Variants in EPB41L1 observed in about 807,000 individuals in gnomAD.
EPB41L1 encodes band 4.1-like protein 1.
In EPB41L1, 29 loss-of-function variants were observed where a neutral mutation model predicts 97.8. That is an observed-to-expected ratio of 0.30 (90% confidence interval 0.22 to 0.40). EPB41L1 has a LOEUF of 0.40. Among genes scored for constraint, EPB41L1 ranks in the 10% least tolerant of loss-of-function variants. The pLI is 1.00. For missense variants in EPB41L1, 812 were observed against 1,162.3 expected (o/e 0.70, Z 4.38); for synonymous variants, 383 against 459.2 (o/e 0.83, Z 2.12).
chr20:36,186,066 G>A (rs1280820165), intron 7 of EPB41L1, among the ~76,000 whole-genome samples: 1 of 152,154 alleles, frequency 6.6e-6, no homozygotes, highest in Admixed American at 6.6e-5. Flanking sequence ...TCAACTATTG[G>A]CATTTGGGGC....
At position 36,195,696 on chromosome 20, in the gene EPB41L1, G is replaced by A. The variant is rs1361229315; in HGVS notation, c.1485+332G>A. Among the ~76,000 whole-genome samples the A allele has an allele frequency of 6.6e-6, 1 of 152,078 alleles. No individual in the cohort carries two copies. The highest frequency in any genetic ancestry group is 1.9e-4 in the East Asian group (1 of 5,190). Reference sequence around the variant, plus strand: ...CCACCTGCACCACCAGCTCTTCCAGGCCATTCTGTGCTTTCATTTAGCACA... The same window carrying A: ...CCACCTGCACCACCAGCTCTTCCAGACCATTCTGTGCTTTCATTTAGCACA... On this transcript the variant is annotated intron_variant, in intron 13 of 21. Transcript: ENST00000338074. This position sits in a 1 kb window ranked among gnomAD's most constrained non-coding sequence, Gnocchi z 4.6.
intron 2 of EPB41L1, among the ~76,000 whole-genome samples, chr20:36,126,281 T>G (rs775244077): frequency 5.3e-5 from 8 of 152,184 alleles, no homozygotes; most frequent in Non-Finnish European, 8.8e-5. Flanking sequence ...GGGATTTTAT[T>G]TGGAAGCTGT....
intron 7 of EPB41L1, among the ~76,000 whole-genome samples, chr20:36,186,325 G>C (rs551689345): frequency 6.6e-6 from 1 of 152,268 alleles, no homozygotes; most frequent in Admixed American, 6.5e-5. Flanking sequence ...ATTATAAACT[G>C]TAAAGTGCGG....
chr20:36,206,439 T>C lies in EPB41L1; in HGVS notation c.1669-3049T>C, dbSNP rs1270087616. ...CAGAAGCCAGAGCTGAGTTGAGCAA[T>C]GAAACTGATACTTCCTTTGCAGAGA... On this transcript the variant is annotated intron_variant, in intron 14 of 21. Coordinates refer to ENST00000338074, the MANE Select transcript of EPB41L1 (RefSeq NM_012156.2). The surrounding 1 kb of genome is among the most constrained non-coding windows in gnomAD (Gnocchi z 5.5). 1 of 1,289,654 alleles carries C rather than the reference T, an allele frequency of 7.8e-7. No homozygotes were observed. Among genetic ancestry groups the C allele is most frequent in the Non-Finnish European group, 1.0e-6 (1 of 988,868 alleles). 79.9% of individuals were successfully genotyped at this position (1,289,654 alleles called of 1,614,324 possible).
chr20:36,206,109 G>A lies in EPB41L1; in HGVS notation c.1669-3379G>A. The A allele has an allele frequency of 7.8e-7, 1 of 1,289,886 alleles. No individual in the cohort carries two copies. Among genetic ancestry groups the A allele is most frequent in the South Asian group, 1.2e-5 (1 of 81,034 alleles). 79.9% of individuals were successfully genotyped at this position (1,289,886 alleles called of 1,614,324 possible). ...CAAGTCCTGAAGACTTTGAGTCAGT[G>A]GGGGAGGAAGGCCCCTGGATCAGGG... is the stretch of plus-strand genomic sequence containing the variant. On this transcript the variant is annotated intron_variant, in intron 14 of 21. Coordinates refer to ENST00000338074, the MANE Select transcript of EPB41L1 (RefSeq NM_012156.2). The surrounding 1 kb of genome is among the most constrained non-coding windows in gnomAD (Gnocchi z 5.5).
intron 1 of EPB41L1, among the ~76,000 whole-genome samples, chr20:36,103,511 T>G (rs1382549368): frequency 6.6e-6 from 1 of 152,134 alleles, no homozygotes; most frequent in Non-Finnish European, 1.5e-5. Flanking sequence ...GATCACTTCC[T>G]CTCTCCGAGC....
chr20:36,134,624 A>G (rs1157775658), intron 2 of EPB41L1, among the ~76,000 whole-genome samples: 1 of 152,138 alleles, frequency 6.6e-6, no homozygotes, highest in African/African-American at 2.4e-5. Flanking sequence ...TACCCAGGCC[A>G]TGGAGTTGAG....
Position 36,212,472 on chromosome 20 carries a change from T to A in EPB41L1, c.2184+96T>A. 1 of 977,818 alleles carries A rather than the reference T, an allele frequency of 1.0e-6. No individual in the cohort carries two copies. Among genetic ancestry groups the A allele is most frequent in the South Asian group, 1.4e-5 (1 of 73,344 alleles). The allele number at this position is 977,818 out of a possible 1,614,324, so 60.6% of individuals were successfully genotyped here. A position where few individuals can be genotyped will look rare whatever the true frequency, so the allele number is the denominator to read the frequency against. On this transcript the variant is annotated intron_variant, in intron 16 of 21. Coordinates refer to ENST00000338074, the MANE Select transcript of EPB41L1 (RefSeq NM_012156.2). The surrounding 1 kb of genome is among the most constrained non-coding windows in gnomAD (Gnocchi z 4.8). ...GGCCAAACCCCTTGGCCAGCTCTTT[T>A]AATCTCAGCTTCCCTGGAACCCATA...
At chr20:36,139,423 TA>T (rs1014943466) in intron 2 of EPB41L1, among the ~76,000 whole-genome samples, 9 of 152,172 alleles carry the variant, frequency 5.9e-5, no homozygotes, top group African/African-American at 1.9e-4. Flanking sequence ...TGTCATCCTT[TA>T]AAAAAAATTT....
intron 17 of EPB41L1, among the ~76,000 whole-genome samples, chr20:36,216,861 G>A (rs1458459905): frequency 6.6e-6 from 1 of 152,192 alleles, no homozygotes; most frequent in Non-Finnish European, 1.5e-5. Context: ...CTGGAGGGGG[G>A]AAAGCACAGG....
rs892612976 is a variant in EPB41L1 at position 36,231,819 on chromosome 20, C to T, written c.*2479C>T. On this transcript the variant is annotated 3_prime_UTR_variant, in exon 22 of 22. Transcript: ENST00000338074. ...CAATCCTGGTGGAAAAGCCACAGAA[C>T]CTTCTTCCTGCCCTTCTTGAGAGTT... is the stretch of plus-strand genomic sequence containing the variant. 1 of 152,798 alleles carries T rather than the reference C, an allele frequency of 6.5e-6. No individual in the cohort carries two copies. Among genetic ancestry groups the T allele is most frequent in the African/African-American group, 2.4e-5 (1 of 41,466 alleles). 9.5% of individuals were successfully genotyped at this position (152,798 alleles called of 1,614,324 possible). A position where few individuals can be genotyped will look rare whatever the true frequency, so the allele number is the denominator to read the frequency against.
chr20:36,216,248 T>C (rs1569353535), intron 17 of EPB41L1, among the ~76,000 whole-genome samples: 1 of 152,084 alleles, frequency 6.6e-6, no homozygotes, highest in Non-Finnish European at 1.5e-5. Flanking sequence ...TGAGCTATGC[T>C]TGAAGGATAA....
In EPB41L1 at chr20:36,194,998, G is replaced by A. The variant is rs572259020; in HGVS notation, c.1450-331G>A. On this transcript the variant is annotated intron_variant, in intron 12 of 21. Transcript: ENST00000338074. ...ATAGTTGTTCAGCAGGTTTCTTTCC[G>A]TCTACCTTGTGAGCACAGGGCCTTG... Among the ~76,000 whole-genome samples, 12 of 152,242 alleles carry A rather than the reference G, an allele frequency of 7.9e-5. No homozygotes were observed. In the South Asian group the frequency reaches 8.3e-4, roughly 11 times the overall value.
intron 21 of EPB41L1, among the ~76,000 whole-genome samples, chr20:36,224,248 T>G (rs1203376821): frequency 6.6e-6 from 1 of 152,226 alleles, no homozygotes; most frequent in Non-Finnish European, 1.5e-5. Context: ...ATGCAGGATT[T>G]TGAAAATTTA....
chr20:36,110,247 T>C (rs1359665004), intron 1 of EPB41L1, among the ~76,000 whole-genome samples: 1 of 152,078 alleles, frequency 6.6e-6, no homozygotes, highest in African/African-American at 2.4e-5. Context: ...GGCCTTGACA[T>C]TGTTTAGTAC....
intron 2 of EPB41L1, among the ~76,000 whole-genome samples, chr20:36,121,129 G>C (rs1452518027): frequency 6.6e-6 from 1 of 150,710 alleles, no homozygotes; most frequent in African/African-American, 2.4e-5. Flanking sequence ...TCTACCATAT[G>C]ATGACTAGAA....
At chr20:36,132,572 G>A (rs535242150) in intron 2 of EPB41L1, among the ~76,000 whole-genome samples, 1 of 127,292 alleles carries the variant, frequency 7.9e-6, no homozygotes, top group Admixed American at 7.7e-5. Flanking sequence ...GTGGGCGGGG[G>A]GGGGGGGCGC....
chr20:36,203,261 C>T (rs1368584599), intron 14 of EPB41L1, among the ~76,000 whole-genome samples: 1 of 152,236 alleles, frequency 6.6e-6, no homozygotes, highest in Non-Finnish European at 1.5e-5. Flanking sequence ...TCCCCCGCTG[C>T]TCAGCCTGTG....
In EPB41L1 at chr20:36,206,666, C is replaced by G; in HGVS notation, c.1669-2822C>G. ...CACATGACTTCCCCAAAGGAAGGGG[C>G]AGGGACCCCCAAGAACCATGGAGGA... On this transcript the variant is annotated intron_variant, in intron 14 of 21. Coordinates refer to ENST00000338074, the MANE Select transcript of EPB41L1 (RefSeq NM_012156.2). This position sits in a 1 kb window ranked among gnomAD's most constrained non-coding sequence, Gnocchi z 5.5. 2 of 1,289,844 alleles carry G rather than the reference C, an allele frequency of 1.6e-6. No homozygotes were observed. The highest frequency in any genetic ancestry group is 2.0e-6 in the Non-Finnish European group (2 of 988,876). The allele number at this position is 1,289,844 out of a possible 1,614,324, so 79.9% of individuals were successfully genotyped here.
Sources: gnomAD v4.1 joint callset for allele counts (sites outside exome capture counted in the v4.1 genomes callset) on GRCh38, gnomAD v4.1.1 for gene constraint, Gnocchi (gnomAD v3.1) non-coding constraint, MANE v1.5 for transcripts, NCBI Gene and HGNC (gene_info 2026-07-23, HGNC 2026-07-21) for gene names.